The following MYO10 variants were observed in gnomAD, a reference collection of about 807,000 sequenced individuals.
The protein encoded by MYO10 is unconventional myosin-X.
A neutral mutation model predicts 257.3 loss-of-function variants in MYO10; 133 were observed. The ratio of observed to expected loss-of-function variants is 0.52; its 90% CI spans 0.45 to 0.60. The LOEUF is 0.60. Ranked by LOEUF, MYO10 falls within the 20% of genes least tolerant of loss-of-function variation. The pLI is 0.00. For missense variants in MYO10, 2,399 were observed against 2,635.7 expected (o/e 0.91, Z 1.97); for synonymous variants, 1,104 against 1,028.6 (o/e 1.07, Z -1.40).
intron 2 of MYO10, among the ~76,000 whole-genome samples, chr5:16,865,027 C>T (rs182957363): frequency 6.6e-6 from 1 of 151,762 alleles, no homozygotes; most frequent in Non-Finnish European, 1.5e-5. Context: ...CCAGGAGCAA[C>T]AGCAAAATGT....
chr5:16,754,307 A>G (rs1199753773), intron 19 of MYO10, among the ~76,000 whole-genome samples: 2 of 152,190 alleles, frequency 1.3e-5, no homozygotes, highest in Non-Finnish European at 2.9e-5. Flanking sequence ...AAAATCAAAG[A>G]GCCAAGACAT....
At chr5:16,762,143 A>AAAAG (rs370443366) in intron 15 of MYO10, 30 bp from the exon 16 acceptor site, 1 of 1,055,752 alleles carries the variant, frequency 9.5e-7, no homozygotes, top group Non-Finnish European at 1.3e-6. Flanking sequence ...AAAAAAAAAA[A>AAAAG]ATACAATGCC....
chr5:16,724,666 A>T (rs141118246), intron 19 of MYO10, among the ~76,000 whole-genome samples: 236 of 152,300 alleles, frequency 1.5e-3, no homozygotes, highest in African/African-American at 5.5e-3. Context: ...GTGTTTAATG[A>T]GGAGGGATGC....
intron 14 of MYO10, 52 bp from the exon 15 acceptor site, chr5:16,762,689 A>T: frequency 7.3e-7 from 1 of 1,362,088 alleles, no homozygotes; most frequent in Non-Finnish European, 1.0e-6. Context: ...GGCTGGGTGC[A>T]TGGGTAGCTC....
chr5:16,878,854 G>A (rs1407107190), intron 1 of MYO10, among the ~76,000 whole-genome samples: 1 of 152,000 alleles, frequency 6.6e-6, no homozygotes, highest in African/African-American at 2.4e-5. Flanking sequence ...GGTGGCGAAG[G>A]ATAAAAGACT....
At chr5:16,861,644 A>C (rs1744112728) in intron 2 of MYO10, among the ~76,000 whole-genome samples, 1 of 152,214 alleles carries the variant, frequency 6.6e-6, no homozygotes, top group Non-Finnish European at 1.5e-5. Context: ...AATCTTAAAA[A>C]GTAACTTCAA....
At chr5:16,934,440 A>C (rs1746378231) in intron 1 of MYO10, among the ~76,000 whole-genome samples, 1 of 152,264 alleles carries the variant, frequency 6.6e-6, no homozygotes, top group Non-Finnish European at 1.5e-5. Flanking sequence ...GCAATTAAAC[A>C]CCGGAACTCA....
At chr5:16,675,616 T>C (rs999185825) in intron 34 of MYO10, among the ~76,000 whole-genome samples, 1 of 152,070 alleles carries the variant, frequency 6.6e-6, no homozygotes, top group Non-Finnish European at 1.5e-5. Flanking sequence ...CGGGTGCTTG[T>C]AATCCCGGCT....
At chr5:16,732,815 A>G (rs902974621) in intron 19 of MYO10, among the ~76,000 whole-genome samples, 1 of 152,170 alleles carries the variant, frequency 6.6e-6, no homozygotes, top group African/African-American at 2.4e-5. Context: ...TGCTTGGCTG[A>G]ATATTTTTTA....
chr5:16,761,576 C>T, intron 16 of MYO10, 30 bp from the exon 17 acceptor site: 1 of 1,534,986 alleles, frequency 6.5e-7, no homozygotes, highest in Non-Finnish European at 9.0e-7. Context: ...GAGGAGAAAA[C>T]TGATTGAAAG....
At chr5:16,698,487 A>G (rs1010321690) in intron 26 of MYO10, among the ~76,000 whole-genome samples, 1 of 152,214 alleles carries the variant, frequency 6.6e-6, no homozygotes, top group Admixed American at 6.5e-5. Flanking sequence ...CAAAGCATAC[A>G]ATGCAAATGC....
rs1736916056 is a variant in MYO10, at chr5:16,680,036, C to A, written c.4453G>T (p.Ala1485Ser). ...YRLYTKLLNE[A>S]TRWSSAIQNV... ...TGAATGGCACTGGACCACCGGGTGGCCTCGTTGAGCAGCTTGGTGTAGAGC... is the reference window on the plus strand; with the variant it reads ...TGAATGGCACTGGACCACCGGGTGGACTCGTTGAGCAGCTTGGTGTAGAGC... Residue 1485 changes from alanine (A) to serine (S), a missense_variant, in exon 33 of 41, where the codon GCC becomes TCC. This residue lies in a region of MYO10 where 1,820 missense variants were observed against 1,939.4 expected (regional missense o/e 0.94). Transcript: ENST00000513610. The A allele has an allele frequency of 6.2e-7, 1 of 1,613,752 alleles. No homozygotes were observed. The highest frequency in any genetic ancestry group is 1.7e-5 in the Admixed American group (1 of 59,990).
intron 2 of MYO10, among the ~76,000 whole-genome samples, chr5:16,823,321 G>A (rs924880846): frequency 6.1e-5 from 9 of 146,884 alleles, no homozygotes; most frequent in Non-Finnish European, 9.0e-5. Context: ...GGCACGTGAC[G>A]GTAATCCCAG....
chr5:16,919,455 C>G (rs13172506), intron 1 of MYO10, among the ~76,000 whole-genome samples: 10,484 of 152,204 alleles, frequency 0.069, 421 homozygotes, highest in African/African-American at 0.11. Context: ...GGAGCTAGAG[C>G]TCTCTGGCCT....
intron 19 of MYO10, chr5:16,741,946 G>T: frequency 1.0e-6 from 1 of 985,340 alleles, no homozygotes; most frequent in Non-Finnish European, 1.2e-6. Context: ...TATGTGGTGC[G>T]TCTCGGGCTG....
At chr5:16,889,107 A>G (rs1580118071) in intron 1 of MYO10, among the ~76,000 whole-genome samples, 3 of 150,386 alleles carry the variant, frequency 2.0e-5, no homozygotes, top group African/African-American at 7.3e-5. Context: ...CAAGAGGCGG[A>G]GGTTGCAGTG....
At chr5:16,718,968 G>A (rs955950440) in intron 19 of MYO10, among the ~76,000 whole-genome samples, 1 of 152,190 alleles carries the variant, frequency 6.6e-6, no homozygotes, top group Non-Finnish European at 1.5e-5. Context: ...CCAATCAGCA[G>A]GATGTGGGTG....
At chr5:16,709,503 T>C (rs542929825) in intron 21 of MYO10, among the ~76,000 whole-genome samples, 126 of 152,234 alleles carry the variant, frequency 8.3e-4, no homozygotes, top group African/African-American at 2.9e-3. Flanking sequence ...TGTCAAGGAA[T>C]TTTGAGGGCT....
intron 9 of MYO10, among the ~76,000 whole-genome samples, chr5:16,769,605 T>G (rs1010381219): frequency 5.3e-5 from 8 of 151,834 alleles, no homozygotes; most frequent in Non-Finnish European, 1.2e-4. Context: ...CTCCCAAAGT[T>G]CTGGGATTAC....
Sources: allele counts gnomAD v4.1 joint callset (sites outside exome capture counted in the v4.1 genomes callset), GRCh38; gene constraint gnomAD v4.1.1; regional missense constraint gnomAD v4.1.1; transcripts MANE v1.5; gene names NCBI Gene and HGNC (gene_info 2026-07-23, HGNC 2026-07-21).